PRKN: variants seen among roughly 807,000 people sequenced by gnomAD.
PRKN encodes E3 ubiquitin-protein ligase parkin.
In PRKN, 56 loss-of-function variants were observed where a neutral mutation model predicts 59.5. The ratio of observed to expected loss-of-function variants is 0.94; its 90% CI spans 0.76 to 1.18. The LOEUF is 1.18. Among genes scored for constraint, PRKN ranks in the 50% most tolerant of loss-of-function variants. The pLI, the probability that PRKN is intolerant of heterozygous loss-of-function variation, is 0.00. For missense variants in PRKN, 657 were observed against 596.4 expected, an observed-to-expected ratio of 1.10 and a Z score of -1.06; for synonymous variants, 250 against 222.1, an observed-to-expected ratio of 1.13 and a Z score of -1.12.
At chr6:162,653,280 G>C (rs935113946) in intron 1 of PRKN, among the ~76,000 whole-genome samples, 8 of 152,196 alleles carry the variant, frequency 5.3e-5, no homozygotes, top group African/African-American at 1.4e-4. Flanking sequence ...AATATGTCAA[G>C]ACATGAAGAC....
At chr6:161,750,142 C>CACACACACACACATAT (rs765990689) in intron 7 of PRKN, among the ~76,000 whole-genome samples, 1 of 136,982 alleles carries the variant, frequency 7.3e-6, no homozygotes, top group African/African-American at 2.7e-5. Context: ...CACACACACA[C>CACACACACACACATAT]ATATATAAAT....
At chr6:162,407,400 C>T (rs1000330556) in intron 2 of PRKN, among the ~76,000 whole-genome samples, 18 of 152,148 alleles carry the variant, frequency 1.2e-4, no homozygotes, top group African/African-American at 4.3e-4. Flanking sequence ...GTTGGCCTCC[C>T]ACATCGTGAA....
intron 4 of PRKN, among the ~76,000 whole-genome samples, chr6:162,190,101 G>T (rs559453597): frequency 1.3e-5 from 2 of 152,234 alleles, no homozygotes; most frequent in East Asian, 3.9e-4. Flanking sequence ...TGACTGAAGG[G>T]TTTTAATCAT....
At chr6:162,426,876 T>A (rs1008382395) in intron 2 of PRKN, among the ~76,000 whole-genome samples, 9 of 152,352 alleles carry the variant, frequency 5.9e-5, no homozygotes, top group Middle Eastern at 3.4e-3. Context: ...TTTTCCACAT[T>A]AATGTGGGAA....
At chr6:162,456,905 C>T (rs529354214) in intron 1 of PRKN, among the ~76,000 whole-genome samples, 33 of 152,238 alleles carry the variant, frequency 2.2e-4, no homozygotes, top group Non-Finnish European at 4.3e-4. Flanking sequence ...GGAACACTAG[C>T]CAGTACTTCA....
intron 6 of PRKN, among the ~76,000 whole-genome samples, chr6:161,885,266 C>A (rs4552706): frequency 2.6e-5 from 4 of 152,064 alleles, no homozygotes; most frequent in South Asian, 2.1e-4. Flanking sequence ...GAGTGAACAT[C>A]AGCGTATGGG....
At chr6:162,228,893 C>T (rs112030936) in intron 3 of PRKN, among the ~76,000 whole-genome samples, 34 of 152,288 alleles carry the variant, frequency 2.2e-4, no homozygotes, top group African/African-American at 8.2e-4. Context: ...ACAGTAACAT[C>T]AGCCTAGCCA....
chr6:161,375,214 C>T (rs1452785528), intron 10 of PRKN, among the ~76,000 whole-genome samples: 1 of 152,190 alleles, frequency 6.6e-6, no homozygotes, highest in East Asian at 1.9e-4. Context: ...AGGGAGGACG[C>T]CCCTGGCCGG....
Position 161,747,006 on chromosome 6 carries a change from T to C in PRKN, c.871+38766A>G, listed in dbSNP as rs1053209887. Among the ~76,000 whole-genome samples the C allele has an allele frequency of 3.3e-5, 5 of 152,112 alleles. No individual in the cohort carries two copies. The East Asian group carries it at 9.6e-4, about 29-fold the overall frequency. ...TATCTGTTGAGATATCAGCTCATGA[T>C]CATCTTATTGTAGAAACGTTTTCGA... On this transcript the variant is annotated intron_variant, in intron 7 of 11. Transcript: ENST00000366898.
intron 1 of PRKN, among the ~76,000 whole-genome samples, chr6:162,674,575 G>A (rs1246328268): frequency 1.3e-5 from 2 of 152,178 alleles, no homozygotes; most frequent in South Asian, 2.1e-4. Flanking sequence ...TAGGATGCTC[G>A]TGGAACTGTG....
chr6:162,532,738 T>C (rs1226036492), intron 1 of PRKN, among the ~76,000 whole-genome samples: 1 of 152,206 alleles, frequency 6.6e-6, no homozygotes, highest in Non-Finnish European at 1.5e-5. Flanking sequence ...TGAACAAAGA[T>C]TTCTTATCTG....
intron 6 of PRKN, among the ~76,000 whole-genome samples, chr6:161,844,051 A>C: frequency 6.6e-6 from 1 of 152,156 alleles, no homozygotes; most frequent in East Asian, 1.9e-4. Flanking sequence ...GCAACAAGAA[A>C]ATTTAGAATA....
chr6:161,365,281 A>G (rs1196468223), intron 10 of PRKN, among the ~76,000 whole-genome samples: 1 of 152,222 alleles, frequency 6.6e-6, no homozygotes, highest in Non-Finnish European at 1.5e-5. Flanking sequence ...CATTGAGGGC[A>G]GGTCTTGCTA....
intron 2 of PRKN, among the ~76,000 whole-genome samples, chr6:162,291,918 T>C (rs1356888000): frequency 6.6e-6 from 1 of 151,798 alleles, no homozygotes; most frequent in Non-Finnish European, 1.5e-5. Context: ...CACTTCCAGA[T>C]ACAATTCATA....
intron 1 of PRKN, among the ~76,000 whole-genome samples, chr6:162,705,245 A>C (rs1267338978): frequency 6.6e-6 from 1 of 152,098 alleles, no homozygotes; most frequent in Non-Finnish European, 1.5e-5. Context: ...TCACCCCTTA[A>C]AGTGATACCC....
intron 1 of PRKN, among the ~76,000 whole-genome samples, chr6:162,613,000 T>C (rs544785570): frequency 4.6e-5 from 7 of 152,350 alleles, no homozygotes; most frequent in African/African-American, 1.4e-4. Context: ...AATATTGGTT[T>C]AAAAGACTAA....
intron 2 of PRKN, among the ~76,000 whole-genome samples, chr6:162,418,476 T>C (rs1319355249): frequency 6.6e-6 from 1 of 151,938 alleles, no homozygotes; most frequent in African/African-American, 2.4e-5. Context: ...CTTAAATGGG[T>C]GAAGTGCATA....
At chr6:161,920,094 A>G (rs1322866891) in intron 6 of PRKN, among the ~76,000 whole-genome samples, 2 of 152,248 alleles carry the variant, frequency 1.3e-5, no homozygotes, top group African/African-American at 4.8e-5. Context: ...GTTGGAAACC[A>G]TAACACCGGC....
rs139169649 is a variant in PRKN, at chr6:162,391,262, G to A, written c.171+52048C>T. Among the ~76,000 whole-genome samples, 737 of 151,852 alleles carry A rather than the reference G, an allele frequency of 4.9e-3. 5 individuals are homozygous for A. The highest frequency in any genetic ancestry group is 0.016 in the African/African-American group (680 of 41,404). On this transcript the variant is annotated intron_variant, in intron 2 of 11. Coordinates refer to ENST00000366898, the MANE Select transcript of PRKN (RefSeq NM_004562.3). ...TTTTCTTACTGCGCATGCTTGACGTGGATTTCGAAAATCTGCAATGACTTC... is the reference window on the plus strand; with the variant it reads ...TTTTCTTACTGCGCATGCTTGACGTAGATTTCGAAAATCTGCAATGACTTC...
Sources: gnomAD v4.1 joint callset for allele counts (sites outside exome capture counted in the v4.1 genomes callset) on GRCh38, gnomAD v4.1.1 for gene constraint, MANE v1.5 for transcripts, NCBI Gene and HGNC (gene_info 2026-07-23, HGNC 2026-07-21) for gene names.